SRPK2: variants seen among roughly 807,000 people sequenced by gnomAD.
SRPK2 encodes SRSF protein kinase 2, also known as SFRS protein kinase 2.
Under a neutral mutation model 90.8 loss-of-function variants are expected in SRPK2, and 21 were observed. That is an observed-to-expected ratio of 0.23 (90% CI 0.16 to 0.33). The LOEUF (loss-of-function observed/expected upper bound fraction) is 0.33, where lower values mean the gene tolerates loss of function less well. SRPK2 is among the 10% of genes least tolerant of loss of function. The pLI, the probability that SRPK2 is intolerant of heterozygous loss-of-function variation, is 1.00. For missense variants in SRPK2, 620 were observed against 869.0 expected (o/e 0.71, Z 3.60); for synonymous variants, 288 against 311.1 (o/e 0.93, Z 0.78).
chr7:105,158,811 TG>T (rs371661015), intron 7 of SRPK2, among the ~76,000 whole-genome samples: 387 of 149,512 alleles, frequency 2.6e-3, no homozygotes, highest in African/African-American at 9.3e-3. Flanking sequence ...TGTTTTTTTG[TG>T]TTTTTTTTTT....
chr7:105,310,339 T>C (rs1331169418), intron 2 of SRPK2, among the ~76,000 whole-genome samples: 2 of 152,138 alleles, frequency 1.3e-5, no homozygotes, highest in Non-Finnish European at 2.9e-5. Context: ...CATTCAGAAT[T>C]GTAATATTTT....
At chr7:105,278,844 CTCT>C (rs1464176857) in intron 2 of SRPK2, among the ~76,000 whole-genome samples, 5 of 144,612 alleles carry the variant, frequency 3.5e-5, no homozygotes, top group African/African-American at 1.0e-4. Context: ...TGTAAAAATG[CTCT>C]TCATTATGGC....
At chr7:105,395,877 C>T (rs1822307369) in intron 1 of SRPK2, among the ~76,000 whole-genome samples, 1 of 152,066 alleles carries the variant, frequency 6.6e-6, no homozygotes, top group African/African-American at 2.4e-5. Flanking sequence ...TATCAATTAG[C>T]TTTACACATA....
rs192604663 is a variant in SRPK2, at chr7:105,258,234, T to C, written c.72-54449A>G. On this transcript the variant is annotated intron_variant, in intron 2 of 15. Transcript: ENST00000393651. ...GAGTCCTACACCAGCCTGACCAATA[T>C]GATGAAGCCCCATCTCTACTAAAAA... Among the ~76,000 whole-genome samples, 232 of 149,794 alleles carry C rather than the reference T, an allele frequency of 1.5e-3. 1 individual carries two copies. The Middle Eastern group carries it at 0.031, about 20-fold the overall frequency.
chr7:105,293,581 G>T (rs562368410), intron 2 of SRPK2, among the ~76,000 whole-genome samples: 8 of 150,472 alleles, frequency 5.3e-5, no homozygotes, highest in Non-Finnish European at 8.8e-5. Context: ...CATCACACTC[G>T]GCTGATTGTT....
At chr7:105,183,731 C>G (rs1793197360) in intron 3 of SRPK2, among the ~76,000 whole-genome samples, 1 of 152,132 alleles carries the variant, frequency 6.6e-6, no homozygotes. Context: ...CTCAAATGAT[C>G]TGCCCACCTT....
chr7:105,127,183 T>C, intron 13 of SRPK2, 121 bp from the exon 14 acceptor site: 1 of 815,340 alleles, frequency 1.2e-6, no homozygotes, highest in East Asian at 2.5e-5. Context: ...AATAGCCTCC[T>C]GAAAGTGCTC....
chr7:105,328,353 A>G (rs986000399), intron 2 of SRPK2, among the ~76,000 whole-genome samples: 8 of 151,726 alleles, frequency 5.3e-5, no homozygotes, highest in African/African-American at 1.7e-4. Flanking sequence ...CTTGAAGTCA[A>G]GAGTTTGAGA....
At chr7:105,290,472 T>C (rs1017087746) in intron 2 of SRPK2, among the ~76,000 whole-genome samples, 1 of 152,020 alleles carries the variant, frequency 6.6e-6, no homozygotes, top group African/African-American at 2.4e-5. Flanking sequence ...CACTCAGGTG[T>C]GGATGACAGA....
intron 2 of SRPK2, among the ~76,000 whole-genome samples, chr7:105,321,460 GA>G (rs1171560932): frequency 6.6e-6 from 1 of 151,880 alleles, no homozygotes; most frequent in Non-Finnish European, 1.5e-5. Context: ...TACAACAAAA[GA>G]AAAAACTGTA....
chr7:105,233,750 C>T (rs1799800868), intron 2 of SRPK2, among the ~76,000 whole-genome samples: 1 of 152,144 alleles, frequency 6.6e-6, no homozygotes, highest in Non-Finnish European at 1.5e-5. Context: ...ATCCTAGCTA[C>T]TCAGGAGACT....
chr7:105,397,508 T>G (rs1473824095), intron 1 of SRPK2, among the ~76,000 whole-genome samples: 1 of 151,282 alleles, frequency 6.6e-6, no homozygotes, highest in Admixed American at 6.6e-5. Context: ...TTTTGTATAT[T>G]TTTTAGAGAC....
At chr7:105,116,144 G>T (rs1372993201), downstream of SRPK2, among the ~76,000 whole-genome samples, 1 of 152,086 alleles carries the variant, frequency 6.6e-6, no homozygotes, top group Non-Finnish European at 1.5e-5. Flanking sequence ...ATGAACCATG[G>T]ATGAAAAGGG....
chr7:105,382,716 A>G (rs1291338873), intron 2 of SRPK2, among the ~76,000 whole-genome samples: 1 of 152,202 alleles, frequency 6.6e-6, no homozygotes, highest in African/African-American at 2.4e-5. Flanking sequence ...ACATTAAGTG[A>G]TAGAGAACAG....
intron 1 of SRPK2, among the ~76,000 whole-genome samples, chr7:105,397,938 G>A (rs1041260639): frequency 1.3e-5 from 2 of 152,084 alleles, no homozygotes; most frequent in African/African-American, 2.4e-5. Flanking sequence ...GTGAACCACC[G>A]CACCCAACCG....
chr7:105,179,274 T>C (rs1264383014), intron 3 of SRPK2, among the ~76,000 whole-genome samples: 5 of 152,336 alleles, frequency 3.3e-5, no homozygotes, highest in Non-Finnish European at 4.4e-5. Context: ...TTAACCTGTG[T>C]CAGCACTTGC....
Position 105,348,702 on chromosome 7 carries a change from C to A in SRPK2, c.71+39946G>T, listed in dbSNP as rs573685276. ...CCTCCCAAAGTGCTGGAATTACAGG[C>A]GTGAGCCACCATGCCCAGCTGCATT... is the stretch of plus-strand genomic sequence containing the variant. On this transcript the variant is annotated intron_variant, in intron 2 of 15. Coordinates refer to ENST00000393651, the MANE Select transcript of SRPK2 (RefSeq NM_182692.3). 9.9e-5 allele frequency among the ~76,000 whole-genome samples: 15 copies of A among 151,390 alleles called. No individual in the cohort carries two copies. The East Asian group carries it at 1.6e-3, about 16-fold the overall frequency.
chr7:105,138,147 C>T (rs1028588758), intron 11 of SRPK2, among the ~76,000 whole-genome samples: 1 of 152,050 alleles, frequency 6.6e-6, no homozygotes, highest in East Asian at 1.9e-4. Flanking sequence ...TGGAAAAAAG[C>T]GGGAGAAAGG....
intron 2 of SRPK2, among the ~76,000 whole-genome samples, chr7:105,282,622 C>A (rs1807497967): frequency 1.3e-5 from 2 of 152,078 alleles, no homozygotes; most frequent in African/African-American, 2.4e-5. Flanking sequence ...AACCCTGTCT[C>A]TATTAAAAAT....
Sources: gnomAD v4.1 joint callset for allele counts (sites outside exome capture counted in the v4.1 genomes callset) on GRCh38, gnomAD v4.1.1 for gene constraint, MANE v1.5 for transcripts, NCBI Gene and HGNC (gene_info 2026-07-23, HGNC 2026-07-21) for gene names.